CHCHD3: variants seen among roughly 807,000 people sequenced by gnomAD.
The protein encoded by CHCHD3 is coiled-coil-helix-coiled-coil-helix domain containing 3.
In CHCHD3, 20 loss-of-function variants were observed where a neutral mutation model predicts 38.2. That is an observed-to-expected ratio of 0.52 (90% CI 0.37 to 0.76). The LOEUF (loss-of-function observed/expected upper bound fraction) is 0.76, where lower values mean the gene tolerates loss of function less well. Among genes scored for constraint, CHCHD3 ranks in the 30% least tolerant of loss-of-function variants. The probability of loss-of-function intolerance (pLI) is 0.00; values close to 1 mark genes in which losing one functional copy is unlikely to be tolerated. For missense variants in CHCHD3, 245 were observed against 279.2 expected (o/e 0.88, Z 0.87); for synonymous variants, 82 against 100.0 (o/e 0.82, Z 1.07).
intron 4 of CHCHD3, among the ~76,000 whole-genome samples, chr7:132,960,156 ATT>A (rs1034193056): frequency 6.6e-6 from 1 of 152,098 alleles, no homozygotes; most frequent in Non-Finnish European, 1.5e-5. Flanking sequence ...GTACCATGTC[ATT>A]TACAAGGACA....
At chr7:132,914,481 T>C (rs1017915047) in intron 4 of CHCHD3, among the ~76,000 whole-genome samples, 1 of 152,204 alleles carries the variant, frequency 6.6e-6, no homozygotes, top group African/African-American at 2.4e-5. Context: ...TTAGTACTAT[T>C]ATGTACATGA....
intron 2 of CHCHD3, among the ~76,000 whole-genome samples, chr7:133,058,542 G>T (rs1052777572): frequency 9.2e-5 from 14 of 152,164 alleles, no homozygotes; most frequent in African/African-American, 3.1e-4. Flanking sequence ...GTTTTTGGGG[G>T]AGCTGTTGAC....
chr7:133,042,683 T>G (rs2117483876), intron 2 of CHCHD3, among the ~76,000 whole-genome samples: 1 of 152,324 alleles, frequency 6.6e-6, no homozygotes, highest in Admixed American at 6.5e-5. Flanking sequence ...CTCTTCTCTC[T>G]GCTACACATT....
At chr7:132,837,867 T>A (rs1807828758) in intron 6 of CHCHD3, among the ~76,000 whole-genome samples, 2 of 152,166 alleles carry the variant, frequency 1.3e-5, no homozygotes, top group Admixed American at 1.3e-4. Flanking sequence ...TTACAGAACA[T>A]TCATTTAAAC....
At chr7:132,834,362 G>A (rs1297156219) in intron 6 of CHCHD3, among the ~76,000 whole-genome samples, 1 of 152,036 alleles carries the variant, frequency 6.6e-6, no homozygotes. Context: ...GGAAGTAGCT[G>A]GGAGAAAAAA....
intron 2 of CHCHD3, among the ~76,000 whole-genome samples, chr7:133,052,471 C>T (rs1282134662): frequency 6.6e-6 from 1 of 152,158 alleles, no homozygotes; most frequent in Admixed American, 6.5e-5. Flanking sequence ...TGAATTGTTA[C>T]AATCCCTTGA....
intron 3 of CHCHD3, among the ~76,000 whole-genome samples, chr7:133,008,194 T>C (rs183359288): frequency 6.6e-6 from 1 of 152,254 alleles, no homozygotes; most frequent in East Asian, 1.9e-4. Context: ...GCAATAAATA[T>C]TTCTGTCTTT....
intron 4 of CHCHD3, among the ~76,000 whole-genome samples, chr7:132,940,635 G>T (rs143771674): frequency 6.6e-6 from 1 of 152,100 alleles, no homozygotes; most frequent in South Asian, 2.1e-4. Flanking sequence ...TTCCTTCAAC[G>T]TCTGGCTTTC....
chr7:132,902,855 G>C lies in CHCHD3; in HGVS notation c.370-17110C>G, dbSNP rs144651282. 6.5e-3 allele frequency among the ~76,000 whole-genome samples: 990 copies of C among 152,210 alleles called. 11 individuals carry two copies. The highest frequency in any genetic ancestry group is 0.022 in the African/African-American group (918 of 41,538). ...AAAATAATAAAAAAAGACTTAGCTT[G>C]TTCACATCACTATTTGTGAACAATA... On this transcript the variant is annotated intron_variant, in intron 4 of 7. Coordinates refer to ENST00000262570, the MANE Select transcript of CHCHD3 (RefSeq NM_017812.4).
Position 133,000,876 on chromosome 7 carries a change from A to G in CHCHD3, c.251+23670T>C, listed in dbSNP as rs116528128. 7.4e-3 allele frequency among the ~76,000 whole-genome samples: 1,132 copies of G among 152,320 alleles called. 15 individuals are homozygous for G. Among genetic ancestry groups the G allele is most frequent in the African/African-American group, 0.026 (1,094 of 41,580 alleles). On this transcript the variant is annotated intron_variant, in intron 3 of 7. Transcript: ENST00000262570. ...ACCAACCACACTTCAAGTGTTTAAT[A>G]GTCACCTGTGACCATAGGACAGCAC...
chr7:133,035,144 A>G lies in CHCHD3; in HGVS notation c.170-10517T>C, dbSNP rs775345200. 10 of 1,612,934 alleles carry G rather than the reference A, an allele frequency of 6.2e-6. No homozygotes were observed. The highest frequency in any genetic ancestry group is 8.5e-6 in the Non-Finnish European group (10 of 1,179,090). On this transcript the variant is annotated intron_variant, in intron 2 of 7. Coordinates refer to ENST00000262570, the MANE Select transcript of CHCHD3 (RefSeq NM_017812.4). The surrounding 1 kb of genome is among the most constrained non-coding windows in gnomAD (Gnocchi z 4.7). ...GCTCACATTCATCCATCTCCTCCTC[A>G]GGAGCAGGGGCAGCCGCCTTTTTCT...
At chr7:132,865,562 T>C (rs1808598067) in intron 5 of CHCHD3, among the ~76,000 whole-genome samples, 1 of 152,180 alleles carries the variant, frequency 6.6e-6, no homozygotes, top group South Asian at 2.1e-4. Flanking sequence ...CCATGGTTAC[T>C]ATTTTGAGAT....
At chr7:132,984,195 T>C (rs1812007434) in intron 3 of CHCHD3, among the ~76,000 whole-genome samples, 1 of 151,622 alleles carries the variant, frequency 6.6e-6, no homozygotes, top group Admixed American at 6.6e-5. Context: ...GCCGAGTGCC[T>C]GCGATTGCAG....
At chr7:132,883,099 G>T (rs948879929) in intron 5 of CHCHD3, among the ~76,000 whole-genome samples, 1 of 152,150 alleles carries the variant, frequency 6.6e-6, no homozygotes, top group African/African-American at 2.4e-5. Flanking sequence ...TGCCGTAATT[G>T]TAAGTTTCCT....
chr7:132,976,405 TAA>T (rs748590121), intron 3 of CHCHD3, among the ~76,000 whole-genome samples: 5 of 152,196 alleles, frequency 3.3e-5, no homozygotes, highest in Non-Finnish European at 5.9e-5. Flanking sequence ...TAGATCATAT[TAA>T]GTTACAACCC....
chr7:132,819,974 T>C (rs1807303237), intron 6 of CHCHD3, among the ~76,000 whole-genome samples: 1 of 152,212 alleles, frequency 6.6e-6, no homozygotes, highest in South Asian at 2.1e-4. Context: ...TTTCATAATG[T>C]GGTTTAATAT....
chr7:132,880,143 C>G (rs1229911202), intron 5 of CHCHD3, among the ~76,000 whole-genome samples: 1 of 152,176 alleles, frequency 6.6e-6, no homozygotes. Context: ...ATGCTACAAT[C>G]AGCAGGATTT....
chr7:132,928,237 C>A (rs775312939), intron 4 of CHCHD3, among the ~76,000 whole-genome samples: 2 of 152,108 alleles, frequency 1.3e-5, no homozygotes, highest in Non-Finnish European at 2.9e-5. Flanking sequence ...TGGGTGAACG[C>A]TGAAGTTAGG....
intron 4 of CHCHD3, among the ~76,000 whole-genome samples, chr7:132,970,970 C>G (rs960065270): frequency 6.6e-6 from 1 of 151,910 alleles, no homozygotes; most frequent in African/African-American, 2.4e-5. Context: ...TTTAAAAAAT[C>G]TAACATTAAA....
Sources: gnomAD v4.1 joint callset for allele counts (sites outside exome capture counted in the v4.1 genomes callset) on GRCh38, gnomAD v4.1.1 for gene constraint, Gnocchi (gnomAD v3.1) non-coding constraint, MANE v1.5 for transcripts, NCBI Gene and HGNC (gene_info 2026-07-23, HGNC 2026-07-21) for gene names.